The following SLCO1B3 variants were observed in gnomAD, a reference collection of about 807,000 sequenced individuals.
SLCO1B3 encodes liver-specific organic anion transporter 2.
SLCO1B3 carries 72 observed loss-of-function variants against 71.8 expected under a neutral mutation model. The ratio of observed to expected loss-of-function variants is 1.00; its 90% CI spans 0.83 to 1.22. SLCO1B3 has a LOEUF of 1.22. SLCO1B3 is among the 50% of genes most tolerant of loss of function. SLCO1B3 has a pLI of 0.00. For missense variants in SLCO1B3, 911 were observed against 819.7 expected (o/e 1.11, Z -1.36); for synonymous variants, 298 against 278.4 (o/e 1.07, Z -0.70).
At chr12:20,831,155 G>C (rs540616468) in intron 3 of SLCO1B3, among the ~76,000 whole-genome samples, 21 of 152,078 alleles carry the variant, frequency 1.4e-4, no homozygotes, top group African/African-American at 5.1e-4. Context: ...TTAGGAGTTC[G>C]AGACCAGCCT....
In SLCO1B3 at chr12:20,862,806, G is replaced by A. The variant is rs1238161424; in HGVS notation, c.679G>A (p.Gly227Arg). 6 of 1,611,704 alleles carry A rather than the reference G, an allele frequency of 3.7e-6. No homozygotes were observed. The highest frequency in any genetic ancestry group is 4.2e-6 in the Non-Finnish European group (5 of 1,178,154). The part of the protein sequence containing the change: ...MIGPVIGFAL[G>R]SLFAKMYVDI... ...TGGTCCAGTCATTGGCTTTGCACTGGGATCTCTGTTTGCTAAAATGTACGT... is the reference window on the plus strand; with the variant it reads ...TGGTCCAGTCATTGGCTTTGCACTGAGATCTCTGTTTGCTAAAATGTACGT... Residue 227 changes from glycine (G) to arginine (R), a missense_variant, in exon 8 of 16, where the codon GGA becomes AGA. Coordinates refer to ENST00000381545, the MANE Select transcript of SLCO1B3 (RefSeq NM_019844.4).
chr12:20,896,984 G>C (rs941433411), intron 13 of SLCO1B3, among the ~76,000 whole-genome samples: 2 of 152,144 alleles, frequency 1.3e-5, no homozygotes, highest in Non-Finnish European at 2.9e-5. Context: ...GATCTTGTGA[G>C]ACTTATTATC....
At chr12:20,904,867 G>A (rs772639458) in intron 15 of SLCO1B3, among the ~76,000 whole-genome samples, 10 of 141,418 alleles carry the variant, frequency 7.1e-5, no homozygotes, top group Admixed American at 2.4e-4. Flanking sequence ...ACCGCCTCCT[G>A]GGTTCAATCA....
chr12:20,828,461 G>T (rs547361797), intron 3 of SLCO1B3, among the ~76,000 whole-genome samples: 2 of 152,216 alleles, frequency 1.3e-5, no homozygotes, highest in South Asian at 4.1e-4. Context: ...ATCCCAGGCT[G>T]TTAGAAATGA....
chr12:20,827,534 T>C (rs1202921035), intron 3 of SLCO1B3, among the ~76,000 whole-genome samples: 1 of 151,770 alleles, frequency 6.6e-6, no homozygotes, highest in Non-Finnish European at 1.5e-5. Context: ...ATTTTAGATA[T>C]TTTAGACTTC....
At chr12:20,842,002 T>A (rs1222458567) in intron 3 of SLCO1B3, among the ~76,000 whole-genome samples, 2 of 151,964 alleles carry the variant, frequency 1.3e-5, no homozygotes, top group Non-Finnish European at 2.9e-5. Flanking sequence ...TTCAAGTGAT[T>A]TTCCTGCCTC....
intron 5 of SLCO1B3, 110 bp from the exon 6 acceptor site, chr12:20,860,906 AT>A: frequency 9.2e-7 from 1 of 1,085,318 alleles, no homozygotes; most frequent in Non-Finnish European, 1.3e-6. Context: ...GATTCTGGTA[AT>A]TTGGAGAAGA....
chr12:20,816,704 G>T (rs1394319481), intron 3 of SLCO1B3, among the ~76,000 whole-genome samples: 1 of 152,170 alleles, frequency 6.6e-6, no homozygotes, highest in East Asian at 1.9e-4. Context: ...TTTCTTTTGG[G>T]TATATACCCA....
At chr12:20,873,382 C>A (rs990993657) in intron 8 of SLCO1B3, among the ~76,000 whole-genome samples, 1 of 151,974 alleles carries the variant, frequency 6.6e-6, no homozygotes, top group Non-Finnish European at 1.5e-5. Flanking sequence ...TGCCTGCTCA[C>A]TCTGCACTAA....
At chr12:20,833,992 GTCTAT>G (rs1180311299) in intron 3 of SLCO1B3, among the ~76,000 whole-genome samples, 2 of 143,704 alleles carry the variant, frequency 1.4e-5, no homozygotes, top group African/African-American at 5.0e-5. Flanking sequence ...AAACATATAT[GTCTAT>G]GTGTGGATAT....
chr12:20,916,343 G>A lies in SLCO1B3; in HGVS notation c.*96G>A. On this transcript the variant is annotated 3_prime_UTR_variant, in exon 16 of 16. Transcript: ENST00000381545. ...TTACTTACAGTGGACCAATGGATAA[G>A]TCTATGCATCTATAATAAACTATAA... 2 of 1,153,938 alleles carry A rather than the reference G, an allele frequency of 1.7e-6. No homozygotes were observed. The highest frequency in any genetic ancestry group is 1.5e-5 in the South Asian group (1 of 67,950). The allele number at this position is 1,153,938 out of a possible 1,614,324, so 71.5% of individuals were successfully genotyped here. A position where few individuals can be genotyped will look rare whatever the true frequency, so the allele number is the denominator to read the frequency against.
intron 3 of SLCO1B3, among the ~76,000 whole-genome samples, chr12:20,847,262 A>G (rs909677455): frequency 1.1e-4 from 17 of 152,166 alleles, no homozygotes; most frequent in African/African-American, 3.9e-4. Context: ...GAAAAGAGTT[A>G]TGGACTGAAT....
chr12:20,891,056 T>A, intron 13 of SLCO1B3, among the ~76,000 whole-genome samples: 1 of 152,162 alleles, frequency 6.6e-6, no homozygotes, highest in East Asian at 1.9e-4. Context: ...TTCTATAATA[T>A]TGTTAATTAT....
intron 3 of SLCO1B3, among the ~76,000 whole-genome samples, chr12:20,842,129 C>G (rs1356284089): frequency 6.6e-6 from 1 of 152,046 alleles, no homozygotes; most frequent in Non-Finnish European, 1.5e-5. Context: ...CTCCTGACCT[C>G]GTGATCCACC....
At chr12:20,826,145 T>C (rs566772256) in intron 3 of SLCO1B3, among the ~76,000 whole-genome samples, 20 of 152,260 alleles carry the variant, frequency 1.3e-4, no homozygotes, top group African/African-American at 4.8e-4. Flanking sequence ...TAAATGAAAA[T>C]TCTTGGTTTC....
intron 15 of SLCO1B3, among the ~76,000 whole-genome samples, chr12:20,915,654 A>G (rs1331754988): frequency 3.3e-5 from 5 of 152,148 alleles, no homozygotes; most frequent in Non-Finnish European, 7.4e-5. Flanking sequence ...TCAATCTTTT[A>G]GTGAGCCTGT....
intron 13 of SLCO1B3, among the ~76,000 whole-genome samples, chr12:20,890,413 G>A (rs1865881403): frequency 6.6e-6 from 1 of 152,154 alleles, no homozygotes; most frequent in Non-Finnish European, 1.5e-5. Flanking sequence ...ATTGAGTATT[G>A]CCTTTTGGCA....
At chr12:20,872,703 T>G (rs1390998081) in intron 8 of SLCO1B3, among the ~76,000 whole-genome samples, 1 of 152,126 alleles carries the variant, frequency 6.6e-6, no homozygotes, top group Non-Finnish European at 1.5e-5. Flanking sequence ...GATTCCTTTT[T>G]GGCCCAGGAT....
At chr12:20,897,689 A>T (rs913560860) in intron 13 of SLCO1B3, among the ~76,000 whole-genome samples, 6 of 152,208 alleles carry the variant, frequency 3.9e-5, no homozygotes, top group African/African-American at 1.4e-4. Context: ...AGTTAATTCA[A>T]CATTTCAGTA....
Sources: gnomAD v4.1 joint callset for allele counts (sites outside exome capture counted in the v4.1 genomes callset) on GRCh38, gnomAD v4.1.1 for gene constraint, MANE v1.5 for transcripts, NCBI Gene and HGNC (gene_info 2026-07-23, HGNC 2026-07-21) for gene names.